Variants in FAM227A observed in about 807,000 individuals in gnomAD.
The protein encoded by FAM227A is family with sequence similarity 227 member A.
Under a neutral mutation model 74.7 loss-of-function variants are expected in FAM227A, and 80 were observed. That is an observed-to-expected ratio of 1.07 (90% confidence interval 0.89 to 1.29). The LOEUF (loss-of-function observed/expected upper bound fraction) is 1.29. FAM227A is among the 50% of genes most tolerant of loss of function. The pLI is 0.00. For missense variants in FAM227A, 654 were observed against 683.4 expected, an observed-to-expected ratio of 0.96 and a Z score of 0.48; for synonymous variants, 237 against 241.8, an observed-to-expected ratio of 0.98 and a Z score of 0.19.
rs1248675771 is a variant in FAM227A, at chr22:38,585,424, G to A, written c.*701C>T. 6.6e-6 allele frequency: 1 copy of A among 152,186 alleles called. No homozygotes were observed. Among genetic ancestry groups the A allele is most frequent in the Non-Finnish European group, 1.5e-5 (1 of 68,072 alleles). The allele number at this position is 152,186 out of a possible 1,614,324, so 9.4% of individuals were successfully genotyped here. ...CCTGGGCTGAGTTTAGAAAAGACAAGATGTTTGCCAGGCAGAAAGAGGGCA... is the reference window on the plus strand; with the variant it reads ...CCTGGGCTGAGTTTAGAAAAGACAAAATGTTTGCCAGGCAGAAAGAGGGCA... On this transcript the variant is annotated 3_prime_UTR_variant, in exon 17 of 17. Transcript: ENST00000535113.
At chr22:38,594,188 C>T (rs533868570) in intron 15 of FAM227A, among the ~76,000 whole-genome samples, 2 of 152,298 alleles carry the variant, frequency 1.3e-5, no homozygotes, top group African/African-American at 2.4e-5. Context: ...CCTGTCTCTG[C>T]CCCACGTTTT....
At position 38,582,478 on chromosome 22, in the gene FAM227A, G is replaced by A; in HGVS notation, c.*3647C>T. 6.7e-7 allele frequency: 1 copy of A among 1,484,018 alleles called. No individual in the cohort carries two copies. Among genetic ancestry groups the A allele is most frequent in the South Asian group, 1.2e-5 (1 of 81,584 alleles). 91.9% of individuals were successfully genotyped at this position (1,484,018 alleles called of 1,614,324 possible). On this transcript the variant is annotated 3_prime_UTR_variant, in exon 17 of 17. Coordinates refer to ENST00000535113, the MANE Select transcript of FAM227A (RefSeq NM_001013647.2). ...ACATTACAGCAAATGCTTTTTAAAT[G>A]TTAGTTCCCTTTGATGCTCTACCCC...
At chr22:38,622,292 T>G (rs570510310) in intron 10 of FAM227A, among the ~76,000 whole-genome samples, 1 of 152,224 alleles carries the variant, frequency 6.6e-6, no homozygotes, top group Non-Finnish European at 1.5e-5. Flanking sequence ...TGCTTTGTTC[T>G]ACCACCAGCT....
chr22:38,601,255 G>A (rs1230787865), intron 13 of FAM227A, among the ~76,000 whole-genome samples: 2 of 152,102 alleles, frequency 1.3e-5, no homozygotes, highest in East Asian at 3.9e-4. Context: ...GAGGACTGGG[G>A]TTCCATGGCG....
chr22:38,582,360 A>G lies in FAM227A; in HGVS notation c.*3765T>C, dbSNP rs2090718826. 5 of 1,550,358 alleles carry G rather than the reference A, an allele frequency of 3.2e-6. No individual in the cohort carries two copies. Among genetic ancestry groups the G allele is most frequent in the Non-Finnish European group, 4.4e-6 (5 of 1,146,860 alleles). On this transcript the variant is annotated 3_prime_UTR_variant, in exon 17 of 17. Coordinates refer to ENST00000535113, the MANE Select transcript of FAM227A (RefSeq NM_001013647.2). ...TCATCTCTTCTAGTTTAACATCTGA[A>G]TTTATCTTCTTCCATGCTGAGAGTA...
chr22:38,647,356 T>C (rs1347264293), intron 2 of FAM227A, among the ~76,000 whole-genome samples: 3 of 151,866 alleles, frequency 2.0e-5, no homozygotes, highest in Non-Finnish European at 4.4e-5. Context: ...TCCCAGCTAC[T>C]TGAGCGCTGA....
chr22:38,604,391 C>T (rs1602904755), intron 13 of FAM227A, among the ~76,000 whole-genome samples: 1 of 152,158 alleles, frequency 6.6e-6, no homozygotes, highest in East Asian at 1.9e-4. Flanking sequence ...ATTCTATGGC[C>T]GACTCCCTTG....
intron 11 of FAM227A, among the ~76,000 whole-genome samples, chr22:38,611,158 G>A (rs189457740): frequency 6.6e-6 from 1 of 152,204 alleles, no homozygotes; most frequent in Non-Finnish European, 1.5e-5. Flanking sequence ...ATAAGGGTTG[G>A]GGGTAAACCA....
intron 13 of FAM227A, among the ~76,000 whole-genome samples, chr22:38,600,927 G>A (rs914837012): frequency 1.2e-4 from 18 of 150,920 alleles, no homozygotes; most frequent in Admixed American, 3.3e-4. Context: ...GCTCCAGCCT[G>A]GCGACAGAGT....
In FAM227A at chr22:38,585,765, T is replaced by C; in HGVS notation, c.*360A>G. The C allele has an allele frequency of 2.8e-6, 1 of 358,324 alleles. No homozygotes were observed. Among genetic ancestry groups the C allele is most frequent in the Non-Finnish European group, 5.1e-6 (1 of 195,968 alleles). The allele number at this position is 358,324 out of a possible 1,614,324, so 22.2% of individuals were successfully genotyped here. A position where few individuals can be genotyped will look rare whatever the true frequency, so the allele number is the denominator to read the frequency against. On this transcript the variant is annotated 3_prime_UTR_variant, in exon 17 of 17. Transcript: ENST00000535113. ...TCTACAGCAGAGAACTTCGGAAACCTTTCTAAACCTGGGCTTGCTGCTGCG... is the reference window on the plus strand; with the variant it reads ...TCTACAGCAGAGAACTTCGGAAACCCTTCTAAACCTGGGCTTGCTGCTGCG...
At chr22:38,639,015 C>G (rs902105214) in intron 4 of FAM227A, among the ~76,000 whole-genome samples, 193 bp from the exon 5 acceptor site, 2 of 152,166 alleles carry the variant, frequency 1.3e-5, no homozygotes, top group African/African-American at 4.8e-5. Context: ...CAAGGAGGAG[C>G]AGACAGACTG....
intron 14 of FAM227A, among the ~76,000 whole-genome samples, chr22:38,599,372 T>C (rs2091121446): frequency 6.6e-6 from 1 of 151,742 alleles, no homozygotes; most frequent in Admixed American, 6.6e-5. Context: ...CTGAGGAGGG[T>C]GTTAGATGAA....
chr22:38,607,340 C>A, intron 12 of FAM227A, 49 bp downstream of exon 12: 12 of 1,395,074 alleles, frequency 8.6e-6, no homozygotes, highest in Non-Finnish European at 1.2e-5. Context: ...GTTTTGGAGA[C>A]AATAACTAAG....
At chr22:38,637,729 C>G (rs372652421) in intron 5 of FAM227A, among the ~76,000 whole-genome samples, 14 of 152,226 alleles carry the variant, frequency 9.2e-5, no homozygotes, top group African/African-American at 3.1e-4. Context: ...ATGACAGTTC[C>G]AATGCAGACC....
intron 6 of FAM227A, among the ~76,000 whole-genome samples, chr22:38,634,892 T>C (rs919714312): frequency 6.6e-6 from 1 of 151,968 alleles, no homozygotes; most frequent in Non-Finnish European, 1.5e-5. Flanking sequence ...GAAGTCCGAA[T>C]GTAAGAAACA....
chr22:38,586,479 G>C (rs1273105980), intron 16 of FAM227A, among the ~76,000 whole-genome samples: 3 of 152,096 alleles, frequency 2.0e-5, no homozygotes, highest in Non-Finnish European at 4.4e-5. Context: ...GTAGCAGGCA[G>C]GTACTACTCC....
intron 15 of FAM227A, among the ~76,000 whole-genome samples, chr22:38,593,431 G>A (rs905796985): frequency 6.6e-6 from 1 of 152,216 alleles, no homozygotes. Context: ...CATGAACCCA[G>A]GAGGCGGAGC....
chr22:38,636,352 C>T, intron 6 of FAM227A, 99 bp downstream of exon 6: 3 of 1,328,964 alleles, frequency 2.3e-6, no homozygotes, highest in African/African-American at 1.5e-5. Context: ...GCCTGTGGCC[C>T]TAGGTGAGTT....
intron 11 of FAM227A, among the ~76,000 whole-genome samples, chr22:38,611,631 C>T (rs1400236740): frequency 6.6e-6 from 1 of 152,126 alleles, no homozygotes; most frequent in Admixed American, 6.6e-5. Flanking sequence ...AGCAATGTAA[C>T]TGATAGGTGC....
Sources: gnomAD v4.1 joint callset for allele counts (sites outside exome capture counted in the v4.1 genomes callset) on GRCh38, gnomAD v4.1.1 for gene constraint, MANE v1.5 for transcripts, NCBI Gene and HGNC (gene_info 2026-07-23, HGNC 2026-07-21) for gene names.